The following PPP1R12A variants were observed in gnomAD, a reference collection of about 807,000 sequenced individuals.
The protein encoded by PPP1R12A is protein phosphatase 1 regulatory subunit 12A, also known as myosin binding subunit.
Under a neutral mutation model 139.6 loss-of-function variants are expected in PPP1R12A, and 19 were observed. The observed-to-expected ratio is 0.14, with a 90% CI of 0.09 to 0.20. PPP1R12A has a LOEUF of 0.20. Ranked by LOEUF, PPP1R12A falls within the 10% of genes least tolerant of loss-of-function variation. The pLI, the probability that PPP1R12A is intolerant of heterozygous loss-of-function variation, is 1.00. For synonymous variants in PPP1R12A, 427 were observed against 420.6 expected (o/e 1.02, Z -0.19); for missense variants, 925 against 1,211.5 (o/e 0.76, Z 3.51).
At chr12:79,789,848 GC>G (rs1429227632) in intron 20 of PPP1R12A, among the ~76,000 whole-genome samples, 2 of 151,080 alleles carry the variant, frequency 1.3e-5, no homozygotes, top group African/African-American at 2.4e-5. Context: ...CACAACCATA[GC>G]TCACTATAAC....
chr12:79,776,228 G>T (rs1869703596), intron 24 of PPP1R12A, among the ~76,000 whole-genome samples: 1 of 151,930 alleles, frequency 6.6e-6, no homozygotes, highest in African/African-American at 2.4e-5. Context: ...TGGAATGAAA[G>T]GTTTATTCTC....
At chr12:79,780,657 C>T (rs1022937384) in intron 23 of PPP1R12A, 7 of 152,064 alleles carry the variant, frequency 4.6e-5, no homozygotes, top group African/African-American at 1.2e-4. Context: ...TCATCTCAAC[C>T]GTTAGTATAA....
At chr12:79,793,763 G>A (rs1645089380) in intron 19 of PPP1R12A, 100 bp downstream of exon 19, 1 of 869,820 alleles carries the variant, frequency 1.1e-6, no homozygotes. Flanking sequence ...GGTAGAGTAT[G>A]CAATAACTGC....
chr12:79,851,920 T>C (rs1880090193), intron 2 of PPP1R12A, among the ~76,000 whole-genome samples: 1 of 152,210 alleles, frequency 6.6e-6, no homozygotes, highest in African/African-American at 2.4e-5. Context: ...TATCATCCAT[T>C]GAAGTTTTTA....
chr12:79,910,942 CA>C (rs1464941413), intron 1 of PPP1R12A, among the ~76,000 whole-genome samples: 3 of 152,028 alleles, frequency 2.0e-5, no homozygotes, highest in Non-Finnish European at 4.4e-5. Flanking sequence ...AATCACTGAC[CA>C]AAAAACCCCC....
intron 1 of PPP1R12A, among the ~76,000 whole-genome samples, chr12:79,925,270 G>C (rs989647576): frequency 2.0e-5 from 3 of 152,152 alleles, no homozygotes; most frequent in Admixed American, 2.0e-4. Context: ...ACGTGTGTGT[G>C]TGTGTGTGTG....
At chr12:79,921,787 ATTGT>A (rs1203213854) in intron 1 of PPP1R12A, among the ~76,000 whole-genome samples, 1 of 152,236 alleles carries the variant, frequency 6.6e-6, no homozygotes. Context: ...GAATACAGAT[ATTGT>A]TTAATATTTT....
At chr12:79,793,651 T>A in intron 19 of PPP1R12A, 1 of 463,488 alleles carries the variant, frequency 2.2e-6, no homozygotes. Flanking sequence ...GGATCAAGAC[T>A]CAGAACATTT....
intron 2 of PPP1R12A, among the ~76,000 whole-genome samples, chr12:79,855,419 G>A (rs752470442): frequency 3.4e-4 from 52 of 152,242 alleles, no homozygotes; most frequent in Admixed American, 6.5e-4. Context: ...TTGTTACTGT[G>A]AATAGTGCTG....
chr12:79,842,080 G>A (rs1269452069), intron 3 of PPP1R12A, among the ~76,000 whole-genome samples: 1 of 152,024 alleles, frequency 6.6e-6, no homozygotes, highest in Non-Finnish European at 1.5e-5. Context: ...AGAACTTTGG[G>A]AGGCCAAGAT....
intron 22 of PPP1R12A, chr12:79,782,523 A>G (rs1870582136): frequency 4.4e-6 from 2 of 450,890 alleles, no homozygotes; most frequent in Non-Finnish European, 8.9e-6. Context: ...ATCCTGATAT[A>G]TAAGCTTGGC....
chr12:79,852,447 T>C (rs771625923), intron 2 of PPP1R12A, among the ~76,000 whole-genome samples: 2 of 152,044 alleles, frequency 1.3e-5, no homozygotes, highest in Non-Finnish European at 2.9e-5. Context: ...CCACCCACCT[T>C]GGCTTCCCAA....
At chr12:79,862,081 AC>A (rs1881399181) in intron 2 of PPP1R12A, among the ~76,000 whole-genome samples, 1 of 152,014 alleles carries the variant, frequency 6.6e-6, no homozygotes, top group Non-Finnish European at 1.5e-5. Flanking sequence ...GACACCTCAT[AC>A]AGGGGGGTGC....
At position 79,773,653 on chromosome 12, in the gene PPP1R12A, G is replaced by A. The variant is rs1444067664; in HGVS notation, c.*2276C>T. 2.0e-5 allele frequency: 3 copies of A among 152,120 alleles called. No homozygotes were observed. Among genetic ancestry groups the A allele is most frequent in the African/African-American group, 7.2e-5 (3 of 41,436 alleles). The allele number at this position is 152,120 out of a possible 1,614,324, so 9.4% of individuals were successfully genotyped here. A position where few individuals can be genotyped will look rare whatever the true frequency, so the allele number is the denominator to read the frequency against. On this transcript the variant is annotated 3_prime_UTR_variant, in exon 25 of 25. Coordinates refer to ENST00000450142, the MANE Select transcript of PPP1R12A (RefSeq NM_002480.3). Reference sequence around the variant, plus strand: ...TTGCATAAATATGGCAATTAAGATTGCATTTACAGATGTGCATGTACAATG... The same window carrying A: ...TTGCATAAATATGGCAATTAAGATTACATTTACAGATGTGCATGTACAATG...
chr12:79,897,919 C>T (rs1885277697), intron 1 of PPP1R12A, among the ~76,000 whole-genome samples: 1 of 152,186 alleles, frequency 6.6e-6, no homozygotes, highest in African/African-American at 2.4e-5. Flanking sequence ...CATTAATTTG[C>T]TCTGTTCTCC....
chr12:79,845,677 A>G (rs534773616), intron 2 of PPP1R12A, among the ~76,000 whole-genome samples: 11 of 152,128 alleles, frequency 7.2e-5, no homozygotes, highest in Non-Finnish European at 1.5e-4. Context: ...TCTACTAAAA[A>G]TACAAAAAAT....
intron 2 of PPP1R12A, among the ~76,000 whole-genome samples, chr12:79,867,106 G>A (rs892281564): frequency 5.9e-5 from 9 of 152,104 alleles, no homozygotes; most frequent in African/African-American, 1.7e-4. Flanking sequence ...TTAAGCAAAC[G>A]TGGCACATAT....
rs576286094 is a variant in PPP1R12A at position 79,885,173 on chromosome 12, T to A, written c.238-12235A>T. Among the ~76,000 whole-genome samples, 7 of 152,256 alleles carry A rather than the reference T, an allele frequency of 4.6e-5. No individual in the cohort carries two copies. The South Asian group carries it at 1.2e-3, about 27-fold the overall frequency. On this transcript the variant is annotated intron_variant, in intron 1 of 24. Transcript: ENST00000450142. Reference sequence around the variant, plus strand: ...ACTCTAGAGCCAGACTGTCTGGAATTAATCCAGTTCTGCCATTTACTGGTT... The same window carrying A: ...ACTCTAGAGCCAGACTGTCTGGAATAAATCCAGTTCTGCCATTTACTGGTT...
At chr12:79,795,475 A>G (rs1048839615) in intron 18 of PPP1R12A, among the ~76,000 whole-genome samples, 163 bp downstream of exon 18, 4 of 152,158 alleles carry the variant, frequency 2.6e-5, no homozygotes, top group African/African-American at 7.2e-5. Flanking sequence ...GTAGTTAACT[A>G]TCCTTAAAAA....
Sources: allele counts gnomAD v4.1 joint callset (sites outside exome capture counted in the v4.1 genomes callset), GRCh38; gene constraint gnomAD v4.1.1; transcripts MANE v1.5; gene names NCBI Gene and HGNC (gene_info 2026-07-23, HGNC 2026-07-21).